The following MCM8 variants were observed in gnomAD, a reference collection of about 807,000 sequenced individuals.
MCM8 encodes the protein DNA helicase MCM8.
A neutral mutation model predicts 98.9 loss-of-function variants in MCM8; 85 were observed. The observed-to-expected ratio is 0.86, with a 90% CI of 0.72 to 1.03. The LOEUF (loss-of-function observed/expected upper bound fraction) is 1.03. Among genes scored for constraint, MCM8 ranks in the 50% least tolerant of loss-of-function variants. The pLI is 0.00. For synonymous variants in MCM8, 352 were observed against 338.6 expected (o/e 1.04, Z -0.44); for missense variants, 951 against 997.8 (o/e 0.95, Z 0.63).
At chr20:5,953,988 C>A (rs2122645829) in intron 3 of MCM8, among the ~76,000 whole-genome samples, 1 of 152,278 alleles carries the variant, frequency 6.6e-6, no homozygotes, top group South Asian at 2.1e-4. Flanking sequence ...TCCCATTGCT[C>A]CCCTAGCAGA....
At chr20:5,958,841 A>G in intron 7 of MCM8, 115 bp downstream of exon 7, 1 of 955,246 alleles carries the variant, frequency 1.0e-6, no homozygotes, top group Non-Finnish European at 1.5e-6. Context: ...TTTTATTTTC[A>G]ATTTTCTGCT....
In MCM8 at chr20:5,990,491, C is replaced by G. The variant is rs187594293; in HGVS notation, c.2241-3015C>G. 8.2e-4 allele frequency among the ~76,000 whole-genome samples: 125 copies of G among 152,280 alleles called. 2 individuals are homozygous for G. The highest frequency in any genetic ancestry group is 2.8e-3 in the African/African-American group (118 of 41,562). ...TGGCTTTAGTCCCTCTCCAGTTGATCTCATTATGTTGGAGACCCTCTAGTT... is the reference window on the plus strand; with the variant it reads ...TGGCTTTAGTCCCTCTCCAGTTGATGTCATTATGTTGGAGACCCTCTAGTT... On this transcript the variant is annotated intron_variant, in intron 17 of 18. Coordinates refer to ENST00000610722, the MANE Select transcript of MCM8 (RefSeq NM_032485.6).
At chr20:5,965,448 C>A (rs1201292774) in intron 8 of MCM8, 1 of 152,162 alleles carries the variant, frequency 6.6e-6, no homozygotes, top group African/African-American at 2.4e-5. Flanking sequence ...ATATCAAACA[C>A]CCCTTTTCGT....
At chr20:5,987,961 T>C (rs1476772693) in intron 17 of MCM8, among the ~76,000 whole-genome samples, 2 of 152,224 alleles carry the variant, frequency 1.3e-5, no homozygotes, top group Admixed American at 6.5e-5. Context: ...TGATAAATAT[T>C]GCTAAATTGT....
Position 5,967,969 on chromosome 20 carries a change from C to T in MCM8, c.1167C>T (p.Asp389=), listed in dbSNP as rs774602340. The change falls in exon 10 of 19, where the codon GAC becomes GAT. Residue 389 remains aspartate (D), a synonymous_variant. Coordinates refer to ENST00000610722, the MANE Select transcript of MCM8 (RefSeq NM_032485.6). ...TGTTGATGGAGTTCTCACTTAAAGACCTTTATGCCATCCAAGAGATTCAAG... is the reference window on the plus strand; with the variant it reads ...TGTTGATGGAGTTCTCACTTAAAGATCTTTATGCCATCCAAGAGATTCAAG... The part of the protein sequence containing the change: ...HGMLMEFSLK[D]LYAIQEIQAE... 1 of 1,613,864 alleles carries T rather than the reference C, an allele frequency of 6.2e-7. No individual in the cohort carries two copies. The highest frequency in any genetic ancestry group is 1.1e-5 in the South Asian group (1 of 91,024).
intron 7 of MCM8, among the ~76,000 whole-genome samples, chr20:5,959,738 G>A (rs964249000): frequency 1.2e-4 from 14 of 119,044 alleles, no homozygotes; most frequent in Non-Finnish European, 3.2e-5. Flanking sequence ...TCGCTCTGTT[G>A]CCCGGGCTGG....
chr20:5,972,658 A>G (rs763679122), intron 11 of MCM8: 7 of 843,298 alleles, frequency 8.3e-6, no homozygotes, highest in Middle Eastern at 2.6e-4. Flanking sequence ...AAGTTCAAAC[A>G]GTTCTCCCAC....
chr20:5,986,976 C>G (rs1463930491), intron 16 of MCM8, among the ~76,000 whole-genome samples: 1 of 152,130 alleles, frequency 6.6e-6, no homozygotes, highest in Non-Finnish European at 1.5e-5. Flanking sequence ...CAGGCATACA[C>G]CACCGCACCC....
chr20:5,985,793 T>TG, intron 15 of MCM8, 129 bp from the exon 16 acceptor site: 1 of 816,970 alleles, frequency 1.2e-6, no homozygotes, highest in Non-Finnish European at 2.0e-6. Flanking sequence ...TGATGTGTCC[T>TG]CCTTGGCCTC....
At chr20:5,964,619 C>T (rs765206549) in intron 8 of MCM8, 27 of 152,172 alleles carry the variant, frequency 1.8e-4, no homozygotes, top group African/African-American at 6.5e-4. Flanking sequence ...ACTCTTTCCT[C>T]CCTTCTCACT....
chr20:5,980,037 T>TA (rs895489625), intron 13 of MCM8, among the ~76,000 whole-genome samples: 5 of 151,898 alleles, frequency 3.3e-5, no homozygotes, highest in South Asian at 2.1e-4. Context: ...CCTTTGTACT[T>TA]ACTGTTCTGT....
At chr20:5,968,924 C>T (rs751906203) in intron 10 of MCM8, among the ~76,000 whole-genome samples, 13 of 152,134 alleles carry the variant, frequency 8.5e-5, no homozygotes, top group African/African-American at 2.2e-4. Context: ...ATTGCCATGC[C>T]GTGGAGAAGC....
intron 13 of MCM8, among the ~76,000 whole-genome samples, chr20:5,980,177 C>T (rs2089600814): frequency 1.3e-5 from 2 of 152,198 alleles, no homozygotes; most frequent in African/African-American, 4.8e-5. Context: ...ATAACCTCCC[C>T]TGCCCCTGCT....
intron 7 of MCM8, among the ~76,000 whole-genome samples, chr20:5,959,510 A>G (rs979071715): frequency 3.9e-5 from 6 of 152,156 alleles, no homozygotes; most frequent in Non-Finnish European, 8.8e-5. Flanking sequence ...TTTAATACAT[A>G]TCAAATTCTT....
At chr20:5,971,968 G>A in intron 10 of MCM8, 39 bp from the exon 11 acceptor site, 1 of 1,571,870 alleles carries the variant, frequency 6.4e-7, no homozygotes. Flanking sequence ...GATCAATGAA[G>A]TATAAATTAG....
chr20:5,992,267 G>T (rs2089868911), intron 17 of MCM8, among the ~76,000 whole-genome samples: 1 of 152,128 alleles, frequency 6.6e-6, no homozygotes, highest in Non-Finnish European at 1.5e-5. Context: ...TTTAATCTTA[G>T]CATAGGTTGG....
chr20:5,969,784 C>T (rs2089362933), intron 10 of MCM8, among the ~76,000 whole-genome samples: 1 of 152,118 alleles, frequency 6.6e-6, no homozygotes, highest in Admixed American at 6.6e-5. Flanking sequence ...CAGACCCACC[C>T]TGGAAGAGAG....
chr20:5,963,721 A>T (rs138350351), intron 8 of MCM8, among the ~76,000 whole-genome samples: 4 of 151,836 alleles, frequency 2.6e-5, no homozygotes, highest in African/African-American at 9.6e-5. Context: ...GTAGAGGTTT[A>T]GTTTAGAGGT....
rs1488631357 is a variant in MCM8, at chr20:5,962,484, C to T, written c.790-790C>T. ...CCGCTTCCCGGGTTCACGCCATTCT[C>T]CTGCCTCAGCCTCCCGAGTAGCTGG... On this transcript the variant is annotated intron_variant, in intron 7 of 18. Transcript: ENST00000610722. Among the ~76,000 whole-genome samples the T allele has an allele frequency of 8.8e-5, 9 of 102,262 alleles. 4 individuals carry two copies. Among genetic ancestry groups the T allele is most frequent in the Middle Eastern group, 4.6e-3 (1 of 216 alleles). 67.1% of individuals were successfully genotyped at this position (102,262 alleles called of 152,430 possible). A position where few individuals can be genotyped will look rare whatever the true frequency, so the allele number is the denominator to read the frequency against.
Sources: gnomAD v4.1 joint callset for allele counts (sites outside exome capture counted in the v4.1 genomes callset) on GRCh38, gnomAD v4.1.1 for gene constraint, MANE v1.5 for transcripts, NCBI Gene and HGNC (gene_info 2026-07-23, HGNC 2026-07-21) for gene names.